Variants in DLG1 observed in about 807,000 individuals in gnomAD.
DLG1 encodes disks large homolog 1.
A neutral mutation model predicts 123.4 loss-of-function variants in DLG1; 42 were observed. That is an observed-to-expected ratio of 0.34 (90% CI 0.27 to 0.44). The LOEUF is 0.44. Ranked by LOEUF, DLG1 falls within the 20% of genes least tolerant of loss-of-function variation. The pLI is 1.00. For synonymous variants in DLG1, 317 were observed against 356.2 expected (o/e 0.89, Z 1.24); for missense variants, 942 against 1,082.6 (o/e 0.87, Z 1.82).
intron 12 of DLG1, among the ~76,000 whole-genome samples, chr3:197,117,297 T>G (rs1239741446): frequency 6.6e-6 from 1 of 152,166 alleles, no homozygotes; most frequent in Non-Finnish European, 1.5e-5. Flanking sequence ...AAAGCTAACA[T>G]AGAATTACCA....
intron 14 of DLG1, among the ~76,000 whole-genome samples, chr3:197,100,203 T>G (rs1468600548): frequency 6.6e-6 from 1 of 152,232 alleles, no homozygotes; most frequent in African/African-American, 2.4e-5. Flanking sequence ...ACTAGTCCAC[T>G]GCAATCTTCC....
chr3:197,065,549 ATTAAT>A (rs1398688066), intron 21 of DLG1, 101 bp from the exon 22 acceptor site: 11 of 1,120,852 alleles, frequency 9.8e-6, no homozygotes, highest in Admixed American at 2.6e-5. Flanking sequence ...AACAGAACAG[ATTAAT>A]TTAAATCTGA....
intron 3 of DLG1, among the ~76,000 whole-genome samples, chr3:197,295,252 T>A (rs1051816842): frequency 1.6e-4 from 25 of 152,190 alleles, no homozygotes; most frequent in African/African-American, 5.8e-4. Flanking sequence ...GTGCATCAAG[T>A]GGTCTTTACA....
intron 2 of DLG1, 134 bp downstream of exon 2, chr3:197,297,052 G>A: frequency 1.1e-6 from 1 of 927,064 alleles, no homozygotes; most frequent in East Asian, 2.5e-5. Flanking sequence ...ATGAGGCTTA[G>A]ATTCCCTAAG....
intron 23 of DLG1, among the ~76,000 whole-genome samples, chr3:197,059,668 C>A (rs747394786): frequency 3.9e-5 from 6 of 152,248 alleles, no homozygotes; most frequent in Non-Finnish European, 8.8e-5. Flanking sequence ...AAAGTTCTAA[C>A]ACATGTTACC....
At chr3:197,146,537 CAT>C (rs1365776921) in intron 6 of DLG1, among the ~76,000 whole-genome samples, 22 of 152,102 alleles carry the variant, frequency 1.4e-4, no homozygotes, top group African/African-American at 4.8e-4. Context: ...CAAACAAAAA[CAT>C]AAAGTGGGGA....
intron 11 of DLG1, among the ~76,000 whole-genome samples, chr3:197,119,985 C>T (rs1442913385): frequency 2.0e-5 from 3 of 152,152 alleles, no homozygotes; most frequent in African/African-American, 7.2e-5. Context: ...GTCGTCCAGG[C>T]GTAGTGGCTC....
At chr3:197,095,629 CT>C (rs1265526012) in intron 14 of DLG1, among the ~76,000 whole-genome samples, 1 of 152,158 alleles carries the variant, frequency 6.6e-6, no homozygotes, top group African/African-American at 2.4e-5. Flanking sequence ...ATGTTATTAA[CT>C]TTAATCGCTT....
chr3:197,076,570 G>A lies in DLG1; in HGVS notation c.2005+16C>T, dbSNP rs535032441. 3 of 1,587,984 alleles carry A rather than the reference G, an allele frequency of 1.9e-6. No individual in the cohort carries two copies. The East Asian group carries it at 6.8e-5, about 36-fold the overall frequency. On this transcript the variant is annotated intron_variant, in intron 18 of 24. Transcript: ENST00000667157. ...TCCATTTTATTTTCAGTTGACCACT[G>A]GATCCACATACTTACGGTCAGCATC...
At chr3:197,099,728 A>G (rs1762456814) in intron 14 of DLG1, among the ~76,000 whole-genome samples, 1 of 152,232 alleles carries the variant, frequency 6.6e-6, no homozygotes, top group African/African-American at 2.4e-5. Flanking sequence ...CAATCCCTAT[A>G]AAGAAAAACA....
chr3:197,165,375 GT>G (rs1800911095), intron 5 of DLG1, among the ~76,000 whole-genome samples: 1 of 152,164 alleles, frequency 6.6e-6, no homozygotes, highest in Admixed American at 6.5e-5. Flanking sequence ...TGGATTTTGT[GT>G]TTTCTCTTTC....
chr3:197,260,253 T>C, intron 4 of DLG1: 1 of 437,966 alleles, frequency 2.3e-6, no homozygotes, highest in South Asian at 1.7e-5. Flanking sequence ...GCATATTATA[T>C]CTTACCTTTG....
chr3:197,080,447 T>A (rs1750337155), intron 17 of DLG1: 1 of 118,452 alleles, frequency 8.4e-6, no homozygotes, highest in South Asian at 2.9e-4. Context: ...CCTGGCTAAT[T>A]TTTTACCTTT....
intron 15 of DLG1, among the ~76,000 whole-genome samples, chr3:197,087,253 G>A (rs1415364329): frequency 1.3e-5 from 2 of 151,358 alleles, no homozygotes; most frequent in Admixed American, 1.3e-4. Flanking sequence ...TAATATGTGA[G>A]TGACTAAAAG....
At chr3:197,217,493 A>G (rs1032589694) in intron 4 of DLG1, among the ~76,000 whole-genome samples, 5 of 152,310 alleles carry the variant, frequency 3.3e-5, no homozygotes, top group African/African-American at 1.2e-4. Context: ...ATGTTCATGT[A>G]GGGCAGCTGA....
chr3:197,110,484 A>G (rs1769264571), intron 13 of DLG1, among the ~76,000 whole-genome samples: 1 of 152,120 alleles, frequency 6.6e-6, no homozygotes, highest in Non-Finnish European at 1.5e-5. Context: ...TTTGTTTAGC[A>G]TGTTCAATGT....
intron 10 of DLG1, among the ~76,000 whole-genome samples, chr3:197,134,001 C>T (rs757290277): frequency 4.6e-5 from 7 of 152,166 alleles, no homozygotes; most frequent in Non-Finnish European, 1.0e-4. Flanking sequence ...TGTCTCCTAC[C>T]ACCAAAGCCA....
At chr3:197,142,842 T>C in intron 6 of DLG1, 74 bp from the exon 7 acceptor site, 1 of 1,178,446 alleles carries the variant, frequency 8.5e-7, no homozygotes, top group Non-Finnish European at 1.2e-6. Context: ...AATTTTTGTA[T>C]GATTTATTAA....
intron 1 of DLG1, 108 bp from the exon 2 acceptor site, chr3:197,297,343 A>C (rs958152057): frequency 3.3e-6 from 5 of 1,502,132 alleles, no homozygotes; most frequent in African/African-American, 2.8e-5. Flanking sequence ...CCCACGTTCC[A>C]AAGTTTTACC....
Sources: allele counts gnomAD v4.1 joint callset (sites outside exome capture counted in the v4.1 genomes callset), GRCh38; gene constraint gnomAD v4.1.1; transcripts MANE v1.5; gene names NCBI Gene and HGNC (gene_info 2026-07-23, HGNC 2026-07-21).